Variants in ZNF626 observed in about 807,000 individuals in gnomAD.
ZNF626 encodes the protein CTC-513N18.7.
In ZNF626, 4 loss-of-function variants were observed where a neutral mutation model predicts 11.7. The observed-to-expected ratio is 0.34, with a 90% CI of 0.17 to 0.78. The LOEUF is 0.78. Ranked by LOEUF, ZNF626 falls within the 30% of genes least tolerant of loss-of-function variation. The pLI is 0.57. For synonymous variants in ZNF626, 179 were observed against 198.6 expected, an observed-to-expected ratio of 0.90 and a Z score of 0.83; for missense variants, 588 against 587.1, an observed-to-expected ratio of 1.00 and a Z score of -0.01.
rs782380615 is a variant in ZNF626, at chr19:20,624,993, T to G, written c.884A>C (p.Asn295Thr). The change falls in exon 4 of 4, where the codon AAC becomes ACC. Residue 295 changes from asparagine to threonine, a missense_variant. This residue lies in a region of ZNF626 where 524 missense variants were observed against 470.1 expected (regional missense o/e 1.11). Coordinates refer to ENST00000601440, the MANE Select transcript of ZNF626 (RefSeq NM_001076675.3). The stretch of plus-strand genomic sequence containing the variant: ...ATGTGTAGTAAGGGTTGAGGACCGG[T>G]TGAAGGCTTTGCCACATTCTTCACA... Reference protein sequence around the residue: ...YKCEECGKAFNRSSTLTTHKI... With the variant: ...YKCEECGKAFTRSSTLTTHKI... 6.2e-7 allele frequency: 1 copy of G among 1,613,842 alleles called. No homozygotes were observed. Among genetic ancestry groups the G allele is most frequent in the African/African-American group, 1.3e-5 (1 of 75,050 alleles).
At chr19:20,634,984 C>T (rs892376405) in intron 3 of ZNF626, among the ~76,000 whole-genome samples, 2 of 152,118 alleles carry the variant, frequency 1.3e-5, no homozygotes, top group African/African-American at 2.4e-5. Flanking sequence ...TACTGAAAGC[C>T]AACAGGTTAA....
chr19:20,625,712 A>G (rs782711119), intron 3 of ZNF626, 62 bp from the exon 4 acceptor site: 77 of 1,448,898 alleles, frequency 5.3e-5, no homozygotes, highest in Non-Finnish European at 6.1e-5. Context: ...ATAAATATAT[A>G]TATGCAGTTT....
chr19:20,645,602 A>C, intron 3 of ZNF626, 82 bp downstream of exon 3: 1 of 1,556,482 alleles, frequency 6.4e-7, no homozygotes, highest in South Asian at 1.2e-5. Context: ...TCCCCAAATC[A>C]CACTTTAAGG....
intron 1 of ZNF626, among the ~76,000 whole-genome samples, chr19:20,652,372 A>G (rs1015135343): frequency 2.0e-5 from 3 of 152,190 alleles, no homozygotes; most frequent in Admixed American, 1.3e-4. Flanking sequence ...CAGATTATAT[A>G]TAACCTGCGA....
intron 1 of ZNF626, among the ~76,000 whole-genome samples, chr19:20,660,115 C>T (rs1363850216): frequency 1.3e-5 from 2 of 151,876 alleles, no homozygotes; most frequent in East Asian, 3.9e-4. Flanking sequence ...CCAAAATTAG[C>T]CGGGCGTGAT....
intron 3 of ZNF626, among the ~76,000 whole-genome samples, chr19:20,639,918 T>C (rs1970005196): frequency 6.6e-6 from 1 of 152,100 alleles, no homozygotes; most frequent in Non-Finnish European, 1.5e-5. Flanking sequence ...TTTCACAAAA[T>C]GTCAATAAAA....
intron 1 of ZNF626, among the ~76,000 whole-genome samples, chr19:20,659,432 G>A (rs1555773454): frequency 6.6e-6 from 1 of 152,110 alleles, no homozygotes; most frequent in South Asian, 2.1e-4. Context: ...TAGACACAGG[G>A]TTATCACCAT....
intron 3 of ZNF626, among the ~76,000 whole-genome samples, chr19:20,636,518 T>G (rs1452398210): frequency 6.6e-6 from 1 of 151,512 alleles, no homozygotes; most frequent in Non-Finnish European, 1.5e-5. Flanking sequence ...AAAGGACTCT[T>G]AAAATATAAG....
At chr19:20,640,888 C>A (rs1009620216) in intron 3 of ZNF626, among the ~76,000 whole-genome samples, 5 of 151,904 alleles carry the variant, frequency 3.3e-5, no homozygotes, top group African/African-American at 1.2e-4. Context: ...GGCTCAAGCC[C>A]GTAATCCTAG....
chr19:20,660,600 T>G (rs1970255581), intron 1 of ZNF626, among the ~76,000 whole-genome samples: 1 of 152,148 alleles, frequency 6.6e-6, no homozygotes, highest in Admixed American at 6.5e-5. Context: ...AGTTTTCGTA[T>G]TTTTAGTAGA....
chr19:20,639,793 T>C (rs8104278), intron 3 of ZNF626, among the ~76,000 whole-genome samples: 82,998 of 152,032 alleles, frequency 0.55, 25,378 homozygotes, highest in African/African-American at 0.83. Context: ...TGTTTTCTAA[T>C]AAAAACTGAA....
chr19:20,658,086 C>T (rs568634707), intron 1 of ZNF626, among the ~76,000 whole-genome samples: 2 of 151,566 alleles, frequency 1.3e-5, no homozygotes, highest in South Asian at 4.2e-4. Flanking sequence ...ATGTGTACAC[C>T]CAACCAAAAA....
At chr19:20,649,986 G>A (rs1273024831) in intron 1 of ZNF626, among the ~76,000 whole-genome samples, 1 of 152,112 alleles carries the variant, frequency 6.6e-6, no homozygotes, top group Non-Finnish European at 1.5e-5. Context: ...AAAGTTTACA[G>A]AAAAAACAGA....
Position 20,625,161 on chromosome 19 carries a change from T to A in ZNF626, c.716A>T (p.Lys239Met), listed in dbSNP as rs1555769392. 2 of 1,613,190 alleles carry A rather than the reference T, an allele frequency of 1.2e-6. No homozygotes were observed. The highest frequency in any genetic ancestry group is 1.3e-5 in the African/African-American group (1 of 75,008). ...YKCEECGKAF[K>M]HSSTLTTHKR... ...ATGTGTAGTAAGAGTGGAGGAGTGC[T>A]TAAAGGCTTTGCCACATTCTTCACA... Residue 239 changes from lysine (K) to methionine (M), a missense_variant, in exon 4 of 4, where the codon AAG becomes ATG. Transcript: ENST00000601440.
rs1969772336 is a variant in ZNF626, at chr19:20,622,783, GTTA to G, written c.*1504_*1506del. 6.6e-6 allele frequency: 1 copy of G among 151,822 alleles called. No homozygotes were observed. Among genetic ancestry groups the G allele is most frequent in the African/African-American group, 2.4e-5 (1 of 41,340 alleles). 9.4% of individuals were successfully genotyped at this position (151,822 alleles called of 1,614,324 possible). On this transcript the variant is annotated 3_prime_UTR_variant, in exon 4 of 4. Coordinates refer to ENST00000601440, the MANE Select transcript of ZNF626 (RefSeq NM_001076675.3). ...TAATGTCTGAAGTGTCAGTGCCTTA[GTTA>G]TTCTGTAAATTCTGATATTTACATA...
chr19:20,651,548 G>A (rs1336319376), intron 1 of ZNF626, among the ~76,000 whole-genome samples: 1 of 152,140 alleles, frequency 6.6e-6, no homozygotes, highest in Non-Finnish European at 1.5e-5. Context: ...CCTCTTGTAT[G>A]AGGGGATGAA....
intron 1 of ZNF626, among the ~76,000 whole-genome samples, chr19:20,659,540 C>G (rs1264740137): frequency 6.6e-6 from 1 of 152,068 alleles, no homozygotes; most frequent in Non-Finnish European, 1.5e-5. Flanking sequence ...GGCGCTCAGC[C>G]TAAAATATTT....
intron 3 of ZNF626, among the ~76,000 whole-genome samples, chr19:20,634,672 T>C (rs1555770763): frequency 6.6e-6 from 1 of 152,160 alleles, no homozygotes; most frequent in Non-Finnish European, 1.5e-5. Flanking sequence ...AAAGGAGTAA[T>C]ATTGTGAAGA....
At chr19:20,659,797 C>T (rs758741251) in intron 1 of ZNF626, among the ~76,000 whole-genome samples, 2 of 151,886 alleles carry the variant, frequency 1.3e-5, no homozygotes, top group Admixed American at 6.6e-5. Flanking sequence ...AACTTCATTA[C>T]CAGTAAGACC....
Sources: allele counts gnomAD v4.1 joint callset (sites outside exome capture counted in the v4.1 genomes callset), GRCh38; gene constraint gnomAD v4.1.1; regional missense constraint gnomAD v4.1.1; transcripts MANE v1.5; gene names NCBI Gene and HGNC (gene_info 2026-07-23, HGNC 2026-07-21).